The following ENTHD1 variants were observed in gnomAD, a reference collection of about 807,000 sequenced individuals.
The protein encoded by ENTHD1 is ENTH domain-containing protein 1.
Under a neutral mutation model 39.1 loss-of-function variants are expected in ENTHD1, and 23 were observed. The ratio of observed to expected loss-of-function variants is 0.59; its 90% CI spans 0.42 to 0.83. The LOEUF (loss-of-function observed/expected upper bound fraction) is 0.83, where lower values mean the gene tolerates loss of function less well. Ranked by LOEUF, ENTHD1 falls within the 40% of genes least tolerant of loss-of-function variation. The pLI is 0.00. For missense variants in ENTHD1, 624 were observed against 705.4 expected (o/e 0.88, Z 1.31); for synonymous variants, 230 against 258.2 (o/e 0.89, Z 1.05).
intron 3 of ENTHD1, among the ~76,000 whole-genome samples, chr22:39,838,939 T>G (rs2065925030): frequency 6.6e-6 from 1 of 151,504 alleles, no homozygotes; most frequent in South Asian, 2.1e-4. Flanking sequence ...CTTCATGTAT[T>G]TTTTTTTAAA....
At chr22:39,847,041 T>A (rs2065994391) in intron 3 of ENTHD1, among the ~76,000 whole-genome samples, 2 of 152,138 alleles carry the variant, frequency 1.3e-5, no homozygotes, top group South Asian at 4.1e-4. Flanking sequence ...ATCCCATTAC[T>A]GGGTATATAC....
intron 3 of ENTHD1, among the ~76,000 whole-genome samples, chr22:39,852,941 T>C (rs929569166): frequency 2.0e-5 from 3 of 152,176 alleles, no homozygotes; most frequent in Non-Finnish European, 4.4e-5. Flanking sequence ...AATGCAAATG[T>C]TTTAGTTACA....
intron 4 of ENTHD1, among the ~76,000 whole-genome samples, chr22:39,834,101 G>A (rs1336336608): frequency 1.3e-5 from 2 of 152,078 alleles, no homozygotes; most frequent in Non-Finnish European, 2.9e-5. Flanking sequence ...TCTTAGATAT[G>A]ACACCAAATG....
chr22:39,842,442 AT>A (rs936939528), intron 3 of ENTHD1, among the ~76,000 whole-genome samples: 18 of 151,886 alleles, frequency 1.2e-4, no homozygotes, highest in Non-Finnish European at 1.2e-4. Context: ...ATTTCTTTTT[AT>A]TCTTTTTTCT....
intron 4 of ENTHD1, among the ~76,000 whole-genome samples, chr22:39,832,358 G>GT (rs1296362855): frequency 6.6e-6 from 1 of 152,064 alleles, no homozygotes; most frequent in Non-Finnish European, 1.5e-5. Flanking sequence ...AAAATTCTAA[G>GT]TGGGCACCTA....
chr22:39,886,506 G>A (rs1234585618), intron 2 of ENTHD1, among the ~76,000 whole-genome samples: 1 of 152,190 alleles, frequency 6.6e-6, no homozygotes, highest in Non-Finnish European at 1.5e-5. Context: ...GGAAGGGTAT[G>A]TGGGAACTCT....
chr22:39,872,806 A>G (rs1187680009), intron 2 of ENTHD1, among the ~76,000 whole-genome samples: 1 of 151,934 alleles, frequency 6.6e-6, no homozygotes, highest in Non-Finnish European at 1.5e-5. Flanking sequence ...GAAAAGCTAC[A>G]ATGGCAAGAA....
intron 5 of ENTHD1, among the ~76,000 whole-genome samples, chr22:39,803,165 CCTGT>C (rs1416753080): frequency 6.6e-6 from 1 of 152,104 alleles, no homozygotes; most frequent in Non-Finnish European, 1.5e-5. Flanking sequence ...ATTGCCCCTG[CCTGT>C]CTTTCTCTGA....
intron 5 of ENTHD1, among the ~76,000 whole-genome samples, chr22:39,779,613 A>G (rs941654541): frequency 6.6e-6 from 1 of 152,152 alleles, no homozygotes; most frequent in Non-Finnish European, 1.5e-5. Context: ...AAGTACATGG[A>G]CAAGCCAGAA....
chr22:39,861,876 G>T lies in ENTHD1; in HGVS notation c.481C>A (p.Gln161Lys). ...GTCAGTGAGTTACTTGAACCAAGTT[G>T]TCTTTTAGAAAACAATATAGAGTGG... ...TSHSILFSKRQLGSSNSLTAC... is the reference protein window; with the variant it reads ...TSHSILFSKRKLGSSNSLTAC... The change falls in exon 3 of 7, where the codon CAA (glutamine) becomes AAA (lysine). Residue 161 changes from glutamine (Q) to lysine (K), a missense_variant. Coordinates refer to ENST00000325157, the MANE Select transcript of ENTHD1 (RefSeq NM_152512.4). The T allele has an allele frequency of 6.2e-7, 1 of 1,606,186 alleles. No individual in the cohort carries two copies. The highest frequency in any genetic ancestry group is 8.5e-7 in the Non-Finnish European group (1 of 1,174,688).
intron 5 of ENTHD1, among the ~76,000 whole-genome samples, chr22:39,777,247 G>A (rs2065372237): frequency 6.6e-6 from 1 of 152,182 alleles, no homozygotes; most frequent in African/African-American, 2.4e-5. Flanking sequence ...TGGTTTAAAA[G>A]ACAAGCAACC....
At chr22:39,822,823 CT>C (rs35307398) in intron 4 of ENTHD1, among the ~76,000 whole-genome samples, 5 of 152,226 alleles carry the variant, frequency 3.3e-5, no homozygotes, top group Admixed American at 3.3e-4. Flanking sequence ...TGATTTGCCC[CT>C]TTTAAAAACT....
intron 5 of ENTHD1, among the ~76,000 whole-genome samples, chr22:39,773,117 CAAAAAAAAAAAAA>C (rs57398699): frequency 0.33 from 12,151 of 36,486 alleles, 704 homozygotes; most frequent in Middle Eastern, 0.47. Flanking sequence ...GACCTCATCT[CAAAAAAAAAAAAA>C]AAAAAAAAAA....
At chr22:39,816,821 A>G (rs1392033060) in intron 5 of ENTHD1, among the ~76,000 whole-genome samples, 2 of 152,094 alleles carry the variant, frequency 1.3e-5, no homozygotes, top group African/African-American at 4.8e-5. Context: ...CAAAGACACC[A>G]TTAAGAAAGT....
intron 6 of ENTHD1, among the ~76,000 whole-genome samples, chr22:39,745,563 G>A (rs183750048): frequency 1.9e-4 from 29 of 152,240 alleles, no homozygotes; most frequent in African/African-American, 5.8e-4. Flanking sequence ...ATTCTCAGCC[G>A]ATGCAGCAGC....
intron 6 of ENTHD1, among the ~76,000 whole-genome samples, chr22:39,748,249 CA>C (rs60946846): frequency 0.038 from 2,282 of 60,142 alleles, 29 homozygotes; most frequent in African/African-American, 0.097. Context: ...ACCCTGTCTC[CA>C]AAAAAAAAAA....
chr22:39,885,500 G>A (rs74389704), intron 2 of ENTHD1, among the ~76,000 whole-genome samples: 1 of 152,228 alleles, frequency 6.6e-6, no homozygotes, highest in African/African-American at 2.4e-5. Context: ...CCACTCCTAA[G>A]TATACACCCA....
chr22:39,785,416 G>A (rs948649484), intron 5 of ENTHD1, among the ~76,000 whole-genome samples: 3 of 152,158 alleles, frequency 2.0e-5, no homozygotes, highest in African/African-American at 7.2e-5. Context: ...TCTGGAAGTC[G>A]GCTTTGATCT....
At chr22:39,811,869 C>T (rs1716743428) in intron 5 of ENTHD1, among the ~76,000 whole-genome samples, 1 of 151,842 alleles carries the variant, frequency 6.6e-6, no homozygotes, top group Admixed American at 6.6e-5. Context: ...GTCCCAGCTA[C>T]TCGGGAGGCT....
Sources: gnomAD v4.1 joint callset for allele counts (sites outside exome capture counted in the v4.1 genomes callset) on GRCh38, gnomAD v4.1.1 for gene constraint, MANE v1.5 for transcripts, NCBI Gene and HGNC (gene_info 2026-07-23, HGNC 2026-07-21) for gene names.